PPP4R1: variants seen among roughly 807,000 people sequenced by gnomAD.
The protein encoded by PPP4R1 is protein phosphatase 4 regulatory subunit 1.
PPP4R1 carries 42 observed loss-of-function variants against 111.2 expected under a neutral mutation model. The ratio of observed to expected loss-of-function variants is 0.38; its 90% CI spans 0.29 to 0.49. PPP4R1 has a LOEUF of 0.49. PPP4R1 is among the 20% of genes least tolerant of loss of function. The pLI is 0.97. For missense variants in PPP4R1, 1,012 were observed against 1,161.6 expected (o/e 0.87, Z 1.87); for synonymous variants, 409 against 405.5 (o/e 1.01, Z -0.10).
At chr18:9,594,231 A>T (rs1472885881) in intron 3 of PPP4R1, 4 of 158,218 alleles carry the variant, frequency 2.5e-5, no homozygotes, top group African/African-American at 9.6e-5. Flanking sequence ...CACCTGGCCG[A>T]TATCTAGAAT....
chr18:9,549,574 A>C (rs544148938), intron 18 of PPP4R1, among the ~76,000 whole-genome samples: 14 of 152,274 alleles, frequency 9.2e-5, no homozygotes, highest in Non-Finnish European at 1.8e-4. Context: ...CAGGTGTTTC[A>C]TTTTCACACC....
chr18:9,571,208 C>T (rs956266168), intron 10 of PPP4R1, among the ~76,000 whole-genome samples: 3 of 152,156 alleles, frequency 2.0e-5, no homozygotes, highest in Non-Finnish European at 4.4e-5. Context: ...TGCTATCTCA[C>T]AAAATATATT....
chr18:9,577,798 A>C (rs2066962031), intron 9 of PPP4R1, among the ~76,000 whole-genome samples: 1 of 152,246 alleles, frequency 6.6e-6, no homozygotes, highest in African/African-American at 2.4e-5. Context: ...AAACTAAAGA[A>C]GGTCCTGCTG....
Position 9,588,243 on chromosome 18 carries a change from A to C in PPP4R1, c.439-8T>G, listed in dbSNP as rs1465541761. 1.2e-6 allele frequency: 2 copies of C among 1,611,284 alleles called. No individual in the cohort carries two copies. The highest frequency in any genetic ancestry group is 2.2e-5 in the South Asian group (2 of 90,562). On this transcript the variant is annotated splice_region_variant and splice_polypyrimidine_tract_variant and intron_variant, in intron 5 of 19. Transcript: ENST00000400556. ...CTGACTTGTTTTCCTCACCTAGGAG[A>C]AAAATAACAACACAAAGAAAGTACA...
At chr18:9,575,684 T>C (rs1339782375) in intron 10 of PPP4R1, among the ~76,000 whole-genome samples, 2 of 152,170 alleles carry the variant, frequency 1.3e-5, no homozygotes, top group Admixed American at 6.5e-5. Context: ...ATGGCCTTGA[T>C]AGGCACACTG....
intron 9 of PPP4R1, among the ~76,000 whole-genome samples, chr18:9,578,823 A>C (rs1218412567): frequency 6.6e-6 from 1 of 152,208 alleles, no homozygotes; most frequent in Non-Finnish European, 1.5e-5. Context: ...ACATTATGGA[A>C]ACATTACTTC....
rs149745761 is a variant in PPP4R1, at chr18:9,584,410, C to T, written c.759+105G>A. The T allele has an allele frequency of 3.0e-4, 285 of 942,820 alleles. No individual in the cohort carries two copies. In the African/African-American group the frequency reaches 4.4e-3, roughly 14 times the overall value. The allele number at this position is 942,820 out of a possible 1,614,324, so 58.4% of individuals were successfully genotyped here. On this transcript the variant is annotated intron_variant, in intron 8 of 19. Coordinates refer to ENST00000400556, the MANE Select transcript of PPP4R1 (RefSeq NM_001042388.3). ...CAAAATTATCTTTCTGGTTTATATT[C>T]ATGGAATTGTGTTAATAAAACTTTG...
chr18:9,593,120 T>C (rs2067238786), intron 4 of PPP4R1, among the ~76,000 whole-genome samples: 1 of 152,144 alleles, frequency 6.6e-6, no homozygotes, highest in South Asian at 2.1e-4. Context: ...TTAATAAAGA[T>C]AATAGATTTA....
At chr18:9,594,876 G>T in intron 3 of PPP4R1, 142 bp downstream of exon 3, 1 of 982,478 alleles carries the variant, frequency 1.0e-6, no homozygotes, top group Non-Finnish European at 1.5e-6. Context: ...AACTGCTCAT[G>T]CTGTGATTAT....
upstream of PPP4R1, chr18:9,615,212 G>A (rs1421470175): frequency 6.6e-6 from 1 of 152,260 alleles, no homozygotes; most frequent in Non-Finnish European, 1.5e-5. Context: ...CGTGCAGCAC[G>A]GTGAAGGCTG....
chr18:9,588,994 A>T, intron 4 of PPP4R1, 141 bp from the exon 5 acceptor site: 1 of 1,032,828 alleles, frequency 9.7e-7, no homozygotes, highest in Non-Finnish European at 1.4e-6. Flanking sequence ...TTAATTCTGC[A>T]TTCCTTTTCA....
At chr18:9,566,526 C>G (rs1001094173) in intron 11 of PPP4R1, among the ~76,000 whole-genome samples, 1 of 152,006 alleles carries the variant, frequency 6.6e-6, no homozygotes, top group African/African-American at 2.4e-5. Context: ...CGGTGCATGC[C>G]TGTAGTCCCA....
chr18:9,555,463 A>G (rs1244619563), intron 15 of PPP4R1, among the ~76,000 whole-genome samples: 2 of 152,236 alleles, frequency 1.3e-5, no homozygotes, highest in Non-Finnish European at 2.9e-5. Context: ...AGATATTCAG[A>G]GTTCTAAAGT....
intron 4 of PPP4R1, among the ~76,000 whole-genome samples, chr18:9,592,587 T>C (rs1017445702): frequency 2.6e-5 from 4 of 151,946 alleles, no homozygotes; most frequent in Non-Finnish European, 5.9e-5. Flanking sequence ...TGATGTATAC[T>C]GAATGAATGG....
chr18:9,583,224 C>A lies in PPP4R1; in HGVS notation c.811G>T (p.Ala271Ser), dbSNP rs761729386. 6.2e-7 allele frequency: 1 copy of A among 1,608,544 alleles called. No individual in the cohort carries two copies. Among genetic ancestry groups the A allele is most frequent in the South Asian group, 1.1e-5 (1 of 90,544 alleles). The stretch of plus-strand genomic sequence containing the variant: ...ACCGCCATGAAGCATTCAGCACAAG[C>A]CTTTCGGACTCCCCATACATTATCA... The part of the protein sequence containing the change: ...CSDNVWGVRK[A>S]CAECFMAVSC... The change falls in exon 9 of 20, where the codon GCT (alanine) becomes TCT (serine). Residue 271 changes from alanine (A) to serine (S), a missense_variant. Coordinates refer to ENST00000400556, the MANE Select transcript of PPP4R1 (RefSeq NM_001042388.3).
rs187340701 is a variant in PPP4R1 at position 9,573,010 on chromosome 18, C to T, written c.1047-2327G>A. On this transcript the variant is annotated intron_variant, in intron 10 of 19. Coordinates refer to ENST00000400556, the MANE Select transcript of PPP4R1 (RefSeq NM_001042388.3). ...GACTTCTAGGATTCCTCACTTATTC[C>T]TTATTCATAAAAATGAGGAGTTGGC... 4.0e-3 allele frequency among the ~76,000 whole-genome samples: 615 copies of T among 152,236 alleles called. 25 individuals are homozygous for T. The highest frequency in any genetic ancestry group is 0.038 in the Admixed American group (579 of 15,286).
At position 9,549,199 on chromosome 18, in the gene PPP4R1, T is replaced by G. The variant is rs1225955855; in HGVS notation, c.2687A>C (p.Lys896Thr). The change falls in exon 19 of 20, where the codon AAA becomes ACA. Residue 896 changes from lysine to threonine, a missense_variant and splice_region_variant. Physicochemically the swap from Lys to Thr is moderately conservative, Grantham distance 78. This residue lies in a region of PPP4R1 where 305 missense variants were observed against 419.5 expected (regional missense o/e 0.73). Coordinates refer to ENST00000400556, the MANE Select transcript of PPP4R1 (RefSeq NM_001042388.3). The part of the protein sequence containing the change: ...AKTLRQTLLE[K>T]DYFLASASCH... ...CTTCTAGTGGAGTCACTACCTACCTTTTTCTAGTAGAGTTTGTCTTAATGT... is the reference window on the plus strand; with the variant it reads ...CTTCTAGTGGAGTCACTACCTACCTGTTTCTAGTAGAGTTTGTCTTAATGT... 1 of 1,612,346 alleles carries G rather than the reference T, an allele frequency of 6.2e-7. No individual in the cohort carries two copies. Among genetic ancestry groups the G allele is most frequent in the Admixed American group, 1.7e-5 (1 of 59,996 alleles).
At chr18:9,567,983 T>C (rs2066797070) in intron 11 of PPP4R1, among the ~76,000 whole-genome samples, 1 of 152,202 alleles carries the variant, frequency 6.6e-6, no homozygotes, top group African/African-American at 2.4e-5. Flanking sequence ...TGCATTTTTT[T>C]TTAGACAAAA....
chr18:9,584,636 G>A, intron 7 of PPP4R1, 56 bp from the exon 8 acceptor site: 1 of 1,602,778 alleles, frequency 6.2e-7, no homozygotes, highest in Non-Finnish European at 8.5e-7. Flanking sequence ...GTTCTTCTAA[G>A]ATAATCTTTT....
Sources: gnomAD v4.1 joint callset for allele counts (sites outside exome capture counted in the v4.1 genomes callset) on GRCh38, gnomAD v4.1.1 for gene constraint, gnomAD v4.1.1 regional missense constraint, MANE v1.5 for transcripts, NCBI Gene and HGNC (gene_info 2026-07-23, HGNC 2026-07-21) for gene names.